The following SLC10A7 variants were observed in gnomAD, a reference collection of about 807,000 sequenced individuals.
SLC10A7 encodes solute carrier family 10 member 7, also known as sodium/bile acid cotransporter 7.
In SLC10A7, 29 loss-of-function variants were observed where a neutral mutation model predicts 43.2. The observed-to-expected ratio is 0.67, with a 90% CI of 0.50 to 0.92. SLC10A7 has a LOEUF of 0.92. Ranked by LOEUF, SLC10A7 falls within the 40% of genes least tolerant of loss-of-function variation. The pLI is 0.00. For synonymous variants in SLC10A7, 152 were observed against 144.8 expected (o/e 1.05, Z -0.35); for missense variants, 295 against 403.2 (o/e 0.73, Z 2.30).
chr4:146,465,538 T>C (rs1445016638), intron 4 of SLC10A7, among the ~76,000 whole-genome samples: 1 of 152,184 alleles, frequency 6.6e-6, no homozygotes, highest in African/African-American at 2.4e-5. Context: ...ATATTCTTTA[T>C]TTTATTAGAA....
chr4:146,496,593 G>GA (rs1735920230), intron 4 of SLC10A7, among the ~76,000 whole-genome samples: 4 of 152,232 alleles, frequency 2.6e-5, no homozygotes, highest in Admixed American at 2.6e-4. Context: ...AAAAGAATCT[G>GA]AAAAACCTGG....
intron 5 of SLC10A7, among the ~76,000 whole-genome samples, chr4:146,342,085 C>T (rs1033762502): frequency 3.3e-5 from 5 of 151,782 alleles, no homozygotes; most frequent in African/African-American, 1.2e-4. Flanking sequence ...GCGTTCTTAA[C>T]TTATTCAAAT....
At chr4:146,270,618 G>A (rs1560749864) in intron 10 of SLC10A7, among the ~76,000 whole-genome samples, 1 of 152,158 alleles carries the variant, frequency 6.6e-6, no homozygotes, top group Admixed American at 6.5e-5. Context: ...CAGCTCCCAG[G>A]TGATTCTAAT....
chr4:146,521,915 C>A lies in SLC10A7; in HGVS notation c.-198G>T. 1.9e-6 allele frequency: 1 copy of A among 523,260 alleles called. No homozygotes were observed. The highest frequency in any genetic ancestry group is 2.5e-5 in the South Asian group (1 of 39,818). The allele number at this position is 523,260 out of a possible 1,614,324, so 32.4% of individuals were successfully genotyped here. A position where few individuals can be genotyped will look rare whatever the true frequency, so the allele number is the denominator to read the frequency against. ...TGAGGAGGGTTGGGAGTAGTAGTAGCCAGTGACAGGAAAGTCTCACTGAGC... is the reference window on the plus strand; with the variant it reads ...TGAGGAGGGTTGGGAGTAGTAGTAGACAGTGACAGGAAAGTCTCACTGAGC... On this transcript the variant is annotated 5_prime_UTR_variant, in exon 1 of 12. Coordinates refer to ENST00000335472, the MANE Select transcript of SLC10A7 (RefSeq NM_001029998.6).
At chr4:146,418,620 A>G (rs987780144) in intron 5 of SLC10A7, among the ~76,000 whole-genome samples, 2 of 152,228 alleles carry the variant, frequency 1.3e-5, no homozygotes, top group Admixed American at 6.5e-5. Flanking sequence ...TGACATGTGA[A>G]AAACCAAAGC....
At chr4:146,430,956 A>G (rs1167878415) in intron 5 of SLC10A7, among the ~76,000 whole-genome samples, 1 of 152,130 alleles carries the variant, frequency 6.6e-6, no homozygotes, top group Admixed American at 6.5e-5. Context: ...AAAGTCCTCC[A>G]TTATCTTAAA....
At chr4:146,272,829 A>T (rs1728979633) in intron 10 of SLC10A7, among the ~76,000 whole-genome samples, 1 of 152,256 alleles carries the variant, frequency 6.6e-6, no homozygotes, top group East Asian at 1.9e-4. Context: ...TAATAATAAT[A>T]AACAAATCCC....
At chr4:146,484,345 C>T (rs1171653722) in intron 4 of SLC10A7, among the ~76,000 whole-genome samples, 3 of 152,266 alleles carry the variant, frequency 2.0e-5, no homozygotes, top group East Asian at 1.9e-4. Flanking sequence ...CAGAGAGACA[C>T]TCTGTCTCTA....
intron 2 of SLC10A7, among the ~76,000 whole-genome samples, chr4:146,516,702 A>G (rs1224104701): frequency 2.0e-5 from 3 of 152,118 alleles, no homozygotes; most frequent in African/African-American, 7.2e-5. Flanking sequence ...CAAACTGAAC[A>G]TCAACAGCTC....
intron 5 of SLC10A7, among the ~76,000 whole-genome samples, chr4:146,432,348 T>C (rs2149872069): frequency 1.3e-5 from 2 of 152,310 alleles, no homozygotes; most frequent in East Asian, 3.9e-4. Context: ...ACTTTATTTA[T>C]AATTATCATC....
intron 5 of SLC10A7, among the ~76,000 whole-genome samples, chr4:146,362,288 C>A: frequency 6.6e-6 from 1 of 151,822 alleles, no homozygotes; most frequent in Admixed American, 6.6e-5. Context: ...TAAGACTACT[C>A]CAAGACATAT....
At chr4:146,412,391 A>C (rs1728259512) in intron 5 of SLC10A7, among the ~76,000 whole-genome samples, 1 of 152,182 alleles carries the variant, frequency 6.6e-6, no homozygotes, top group Non-Finnish European at 1.5e-5. Flanking sequence ...TTTTGGGTGC[A>C]AAGAAAGAAA....
At chr4:146,328,261 C>T (rs28521842) in intron 5 of SLC10A7, among the ~76,000 whole-genome samples, 20,645 of 152,210 alleles carry the variant, frequency 0.14, 1,447 homozygotes, top group Non-Finnish European at 0.15. Context: ...GAGGACGGGC[C>T]TCCCTGTGTG....
At chr4:146,342,076 C>T (rs1032252980) in intron 5 of SLC10A7, among the ~76,000 whole-genome samples, 1 of 151,708 alleles carries the variant, frequency 6.6e-6, no homozygotes, top group African/African-American at 2.4e-5. Context: ...TCTAGCCTAG[C>T]GTTCTTAACT....
chr4:146,432,907 A>G (rs558118853), intron 5 of SLC10A7, among the ~76,000 whole-genome samples: 10 of 151,672 alleles, frequency 6.6e-5, no homozygotes, highest in East Asian at 6.0e-4. Flanking sequence ...GCGTGGTGGT[A>G]CGCGCCTGTA....
In SLC10A7 at chr4:146,509,978, T is replaced by C; in HGVS notation, c.255A>G (p.Pro85=). The C allele has an allele frequency of 2.5e-6, 4 of 1,613,840 alleles. No homozygotes were observed. The highest frequency in any genetic ancestry group is 3.4e-6 in the Non-Finnish European group (4 of 1,179,850). Residue 85 remains proline, a synonymous_variant, in exon 3 of 12, where the codon CCA becomes CCG. Coordinates refer to ENST00000335472, the MANE Select transcript of SLC10A7 (RefSeq NM_001029998.6). ...FIQIFTLAFF[P]ATIWLFLQLL... ...GCTGAAGAAAAAGCCATATTGTTGC[T>C]GGGAAGAATGCAAGAGTAAAGATCT...
chr4:146,499,992 G>T (rs1229319274), intron 4 of SLC10A7, among the ~76,000 whole-genome samples: 2 of 152,160 alleles, frequency 1.3e-5, no homozygotes, highest in Non-Finnish European at 2.9e-5. Context: ...CACACCTCTT[G>T]AGGGAATCAC....
intron 5 of SLC10A7, among the ~76,000 whole-genome samples, chr4:146,373,349 C>T (rs145978384): frequency 0.023 from 3,517 of 152,008 alleles, 75 homozygotes; most frequent in Non-Finnish European, 0.033. Context: ...TGAAACACAC[C>T]TGTAGTCCCA....
At chr4:146,392,211 T>C (rs1044400198) in intron 5 of SLC10A7, among the ~76,000 whole-genome samples, 4 of 152,202 alleles carry the variant, frequency 2.6e-5, no homozygotes, top group African/African-American at 7.2e-5. Context: ...ATCTATATTA[T>C]AAAGTCATTA....
Sources: gnomAD v4.1 joint callset for allele counts (sites outside exome capture counted in the v4.1 genomes callset) on GRCh38, gnomAD v4.1.1 for gene constraint, MANE v1.5 for transcripts, NCBI Gene and HGNC (gene_info 2026-07-23, HGNC 2026-07-21) for gene names.